The following EPHA6 variants were observed in gnomAD, a reference collection of about 807,000 sequenced individuals.
EPHA6 encodes ephrin type-A receptor 6.
A neutral mutation model predicts 112.0 loss-of-function variants in EPHA6; 50 were observed. The ratio of observed to expected loss-of-function variants is 0.45; its 90% confidence interval spans 0.36 to 0.56. The LOEUF is 0.56. Ranked by LOEUF, EPHA6 falls within the 20% of genes least tolerant of loss-of-function variation. EPHA6 has a pLI of 0.00. For missense variants in EPHA6, 1,280 were observed against 1,417.4 expected (o/e 0.90, Z 1.56); for synonymous variants, 529 against 490.7 (o/e 1.08, Z -1.03).
intron 5 of EPHA6, among the ~76,000 whole-genome samples, chr3:97,372,894 T>C (rs1379819504): frequency 2.0e-5 from 3 of 151,996 alleles, no homozygotes; most frequent in Non-Finnish European, 4.4e-5. Flanking sequence ...ATCAAGGAGG[T>C]TACAAAAGGG....
intron 11 of EPHA6, chr3:97,559,630 G>C (rs1316256491): frequency 4.4e-6 from 2 of 455,460 alleles, no homozygotes; most frequent in Non-Finnish European, 8.8e-6. Context: ...AGGGCAAAAG[G>C]GGAAGCAGGC....
At chr3:97,325,850 A>G (rs193175817) in intron 5 of EPHA6, among the ~76,000 whole-genome samples, 1 of 152,160 alleles carries the variant, frequency 6.6e-6, no homozygotes, top group Non-Finnish European at 1.5e-5. Context: ...TAAATATTTC[A>G]TTATTTTATT....
chr3:97,439,738 T>G (rs2090037568), intron 6 of EPHA6: 3 of 474,860 alleles, frequency 6.3e-6, no homozygotes, highest in Non-Finnish European at 8.3e-6. Flanking sequence ...AGGAAAAGAA[T>G]TATATAGTTA....
At chr3:97,718,832 C>G (rs2034374377) in intron 14 of EPHA6, among the ~76,000 whole-genome samples, 1 of 152,114 alleles carries the variant, frequency 6.6e-6, no homozygotes, top group Non-Finnish European at 1.5e-5. Flanking sequence ...TACATCTTTA[C>G]ATCATATGAC....
chr3:96,996,708 T>G (rs1193275696), intron 3 of EPHA6, among the ~76,000 whole-genome samples: 1 of 152,110 alleles, frequency 6.6e-6, no homozygotes, highest in Admixed American at 6.6e-5. Context: ...TGTGAACAGA[T>G]GTACTGTCAT....
intron 15 of EPHA6, among the ~76,000 whole-genome samples, chr3:97,727,905 A>G (rs1395560497): frequency 6.6e-6 from 1 of 152,064 alleles, no homozygotes; most frequent in Non-Finnish European, 1.5e-5. Context: ...CAAGGAGAAG[A>G]AACCAGTAAA....
At chr3:97,624,824 T>C (rs2107514777) in intron 13 of EPHA6, among the ~76,000 whole-genome samples, 1 of 151,748 alleles carries the variant, frequency 6.6e-6, no homozygotes, top group East Asian at 1.9e-4. Flanking sequence ...ATCCAGGTTA[T>C]CTAATTGTTC....
intron 14 of EPHA6, among the ~76,000 whole-genome samples, chr3:97,659,531 G>A (rs1175195129): frequency 2.0e-5 from 3 of 151,890 alleles, no homozygotes; most frequent in African/African-American, 7.2e-5. Flanking sequence ...TGTATCAAAT[G>A]TCCTATACTT....
At chr3:96,897,125 A>G (rs1268979145) in intron 2 of EPHA6, among the ~76,000 whole-genome samples, 1 of 152,038 alleles carries the variant, frequency 6.6e-6, no homozygotes, top group African/African-American at 2.4e-5. Flanking sequence ...TTTCATGCCA[A>G]TTATATTTTT....
At chr3:97,193,761 G>GA (rs1702061620) in intron 3 of EPHA6, among the ~76,000 whole-genome samples, 2 of 152,014 alleles carry the variant, frequency 1.3e-5, no homozygotes, top group South Asian at 4.2e-4. Context: ...CCCACAGTAT[G>GA]ACTTTAGCTA....
intron 10 of EPHA6, among the ~76,000 whole-genome samples, chr3:97,526,624 C>G (rs140363530): frequency 2.7e-4 from 41 of 151,580 alleles, no homozygotes; most frequent in African/African-American, 9.7e-4. Context: ...AAGTGCATCT[C>G]TAGCAGTTCC....
intron 3 of EPHA6, among the ~76,000 whole-genome samples, chr3:97,112,233 T>C (rs2047745332): frequency 6.6e-6 from 1 of 152,180 alleles, no homozygotes; most frequent in Admixed American, 6.6e-5. Flanking sequence ...GTATTTTATG[T>C]GCTGGTATGC....
chr3:97,097,313 C>T (rs1023548921), intron 3 of EPHA6, among the ~76,000 whole-genome samples: 8 of 151,728 alleles, frequency 5.3e-5, no homozygotes, highest in African/African-American at 1.4e-4. Context: ...AGATTGACAA[C>T]ATTGCTATAT....
Position 97,759,234 on chromosome 3 carries a change from G to C in EPHA6, c.*10533G>C, listed in dbSNP as rs1015156312. On this transcript the variant is annotated 3_prime_UTR_variant, in exon 18 of 18. Coordinates refer to ENST00000389672, the MANE Select transcript of EPHA6 (RefSeq NM_001080448.3). ...TAGCAACATGGAAGTTGTTGTTGTT[G>C]ATGACCTTCACAAGGTCATCAACTA... 4.6e-5 allele frequency among the ~76,000 whole-genome samples: 7 copies of C among 151,902 alleles called. No homozygotes were observed. Among genetic ancestry groups the C allele is most frequent in the African/African-American group, 1.7e-4 (7 of 41,384 alleles).
At chr3:96,910,618 T>C (rs1193137878) in intron 2 of EPHA6, among the ~76,000 whole-genome samples, 6 of 152,076 alleles carry the variant, frequency 3.9e-5, no homozygotes, top group Non-Finnish European at 8.8e-5. Flanking sequence ...TTCCTTGAAC[T>C]TGGCCTTTAA....
chr3:96,844,730 T>C (rs1044851656), intron 1 of EPHA6, among the ~76,000 whole-genome samples: 5 of 151,966 alleles, frequency 3.3e-5, no homozygotes, highest in Non-Finnish European at 5.9e-5. Flanking sequence ...CCAACTGAAC[T>C]TGACTTTTGA....
At chr3:97,623,568 C>G (rs898251604) in intron 13 of EPHA6, among the ~76,000 whole-genome samples, 4 of 151,608 alleles carry the variant, frequency 2.6e-5, no homozygotes, top group African/African-American at 9.7e-5. Context: ...TTGATGCATT[C>G]TATATGACAG....
intron 3 of EPHA6, among the ~76,000 whole-genome samples, chr3:97,139,478 CTCTTTA>C (rs1335659129): frequency 2.6e-5 from 4 of 152,130 alleles, no homozygotes; most frequent in African/African-American, 9.7e-5. Context: ...ACCTCCCCAT[CTCTTTA>C]GCAGAAAATG....
At chr3:97,127,714 CAAAAAA>C (rs1343245083) in intron 3 of EPHA6, among the ~76,000 whole-genome samples, 1 of 93,876 alleles carries the variant, frequency 1.1e-5, no homozygotes, top group Non-Finnish European at 2.3e-5. Context: ...GACCCTGTCT[CAAAAAA>C]AAAAAAAAAA....
Sources: gnomAD v4.1 joint callset for allele counts (sites outside exome capture counted in the v4.1 genomes callset) on GRCh38, gnomAD v4.1.1 for gene constraint, MANE v1.5 for transcripts, NCBI Gene and HGNC (gene_info 2026-07-23, HGNC 2026-07-21) for gene names.